Variants in CADM2 observed in about 807,000 individuals in gnomAD.
The protein encoded by CADM2 is cell adhesion molecule 2, also known as immunoglobulin superfamily member 4D.
Under a neutral mutation model 49.8 loss-of-function variants are expected in CADM2, and 12 were observed. The observed-to-expected ratio is 0.24, with a 90% CI of 0.15 to 0.39. The LOEUF (loss-of-function observed/expected upper bound fraction) is 0.39, where lower values mean the gene tolerates loss of function less well. Ranked by LOEUF, CADM2 falls within the 10% of genes least tolerant of loss-of-function variation. CADM2 has a pLI of 1.00. For missense variants in CADM2, 378 were observed against 492.3 expected (o/e 0.77, Z 2.20); for synonymous variants, 214 against 175.4 (o/e 1.22, Z -1.74).
At chr3:85,208,193 AT>A (rs1440397129) in intron 1 of CADM2, among the ~76,000 whole-genome samples, 6 of 152,090 alleles carry the variant, frequency 3.9e-5, no homozygotes, top group Non-Finnish European at 7.4e-5. Flanking sequence ...TATAACCTAC[AT>A]TTTCCAGGCT....
intron 1 of CADM2, among the ~76,000 whole-genome samples, chr3:85,066,184 T>C (rs925228448): frequency 6.6e-6 from 1 of 152,036 alleles, no homozygotes; most frequent in Non-Finnish European, 1.5e-5. Context: ...TAATTTTGAA[T>C]GCTGGGAGAC....
chr3:85,309,205 T>C (rs1168405079), intron 1 of CADM2, among the ~76,000 whole-genome samples: 1 of 152,180 alleles, frequency 6.6e-6, no homozygotes, highest in East Asian at 1.9e-4. Context: ...TCTGTCTAAA[T>C]ACGCTTCTTC....
At chr3:85,616,410 T>C (rs182317940) in intron 1 of CADM2, among the ~76,000 whole-genome samples, 3 of 152,256 alleles carry the variant, frequency 2.0e-5, no homozygotes, top group Admixed American at 6.6e-5. Context: ...TTGAAATATG[T>C]GTAACTTCTA....
intron 1 of CADM2, among the ~76,000 whole-genome samples, chr3:85,313,891 T>TATTA (rs1369700276): frequency 1.3e-5 from 2 of 152,096 alleles, no homozygotes; most frequent in Non-Finnish European, 2.9e-5. Flanking sequence ...TGTATTATCT[T>TATTA]ATTTATTTAT....
chr3:85,861,063 G>A (rs2075513087), intron 3 of CADM2, among the ~76,000 whole-genome samples: 1 of 152,090 alleles, frequency 6.6e-6, no homozygotes, highest in South Asian at 2.1e-4. Context: ...TAAGAATATT[G>A]GGGTTTTCAG....
At chr3:85,502,073 T>C (rs574216079) in intron 1 of CADM2, among the ~76,000 whole-genome samples, 1 of 152,114 alleles carries the variant, frequency 6.6e-6, no homozygotes. Flanking sequence ...TAGGATTCAA[T>C]AAAGTACACA....
At chr3:85,973,080 A>G (rs1726341374) in intron 8 of CADM2, among the ~76,000 whole-genome samples, 1 of 151,742 alleles carries the variant, frequency 6.6e-6, no homozygotes, top group Non-Finnish European at 1.5e-5. Flanking sequence ...CTCACACATG[A>G]TAAAAGGGAG....
chr3:85,213,446 G>A (rs2041849122), intron 1 of CADM2, among the ~76,000 whole-genome samples: 1 of 151,868 alleles, frequency 6.6e-6, no homozygotes, highest in African/African-American at 2.4e-5. Context: ...ACCAGACATA[G>A]TGGAGCTCCT....
chr3:85,416,587 C>A (rs2035931696), intron 1 of CADM2, among the ~76,000 whole-genome samples: 1 of 152,098 alleles, frequency 6.6e-6, no homozygotes, highest in Non-Finnish European at 1.5e-5. Context: ...AATGCCCCCA[C>A]TCCAAAGAAG....
chr3:85,331,259 A>T (rs1405437531), intron 1 of CADM2, among the ~76,000 whole-genome samples: 1 of 151,960 alleles, frequency 6.6e-6, no homozygotes, highest in African/African-American at 2.4e-5. Context: ...AACGTTAACC[A>T]TTCTTTCTTT....
intron 1 of CADM2, among the ~76,000 whole-genome samples, chr3:85,193,707 C>T (rs1356260895): frequency 6.6e-6 from 1 of 152,100 alleles, no homozygotes; most frequent in Non-Finnish European, 1.5e-5. Context: ...TATGAAGCTT[C>T]TTTCTGCATT....
At chr3:85,806,417 G>A (rs2072424054) in intron 3 of CADM2, among the ~76,000 whole-genome samples, 1 of 152,116 alleles carries the variant, frequency 6.6e-6, no homozygotes, top group East Asian at 1.9e-4. Context: ...AAGTTTCCAA[G>A]GGTCCTGGCT....
intron 1 of CADM2, among the ~76,000 whole-genome samples, chr3:85,374,037 A>T (rs888373466): frequency 6.6e-6 from 1 of 152,102 alleles, no homozygotes; most frequent in Non-Finnish European, 1.5e-5. Flanking sequence ...ATTACTTATT[A>T]AAATGTCTGT....
chr3:85,370,231 A>AATAATC, intron 1 of CADM2, among the ~76,000 whole-genome samples: 1 of 146,088 alleles, frequency 6.8e-6, no homozygotes, highest in South Asian at 2.2e-4. Context: ...TAATAATAAT[A>AATAATC]ATAATAATAA....
chr3:85,360,573 C>A (rs1027737188), intron 1 of CADM2, among the ~76,000 whole-genome samples: 7 of 152,016 alleles, frequency 4.6e-5, no homozygotes, highest in African/African-American at 1.7e-4. Flanking sequence ...CTAAACTGGC[C>A]TCTCCTGAAT....
chr3:85,585,042 C>T (rs151034457), intron 1 of CADM2, among the ~76,000 whole-genome samples: 1 of 152,080 alleles, frequency 6.6e-6, no homozygotes, highest in East Asian at 1.9e-4. Context: ...TAAATGGAAA[C>T]TTCTAGAAAT....
chr3:85,311,484 T>C lies in CADM2; in HGVS notation c.61+351816T>C, dbSNP rs545029071. 1.0e-3 allele frequency among the ~76,000 whole-genome samples: 156 copies of C among 152,022 alleles called. 1 individual carries two copies. Among genetic ancestry groups the C allele is most frequent in the Middle Eastern group, 3.4e-3 (1 of 292 alleles). On this transcript the variant is annotated intron_variant, in intron 1 of 9. Transcript: ENST00000383699. ...TCCGCCTCCCGGGTTCATGCCATTC[T>C]CTTGCCCCAGCCTCCCGAGTAACTG... is the stretch of plus-strand genomic sequence containing the variant.
chr3:85,907,639 G>A (rs1331086763), intron 5 of CADM2, among the ~76,000 whole-genome samples: 3 of 152,190 alleles, frequency 2.0e-5, no homozygotes, highest in South Asian at 4.1e-4. Flanking sequence ...GGCTGGACAC[G>A]GTGGCTCACA....
chr3:85,788,640 A>G (rs1273941425), intron 2 of CADM2, among the ~76,000 whole-genome samples: 11 of 152,194 alleles, frequency 7.2e-5, no homozygotes, highest in Non-Finnish European at 1.5e-5. Flanking sequence ...ATAACTAGCA[A>G]CAATAAGTCA....
Sources: allele counts gnomAD v4.1 joint callset (sites outside exome capture counted in the v4.1 genomes callset), GRCh38; gene constraint gnomAD v4.1.1; transcripts MANE v1.5; gene names NCBI Gene and HGNC (gene_info 2026-07-23, HGNC 2026-07-21).